The following NCKAP5 variants were observed in gnomAD, a reference collection of about 807,000 sequenced individuals.
NCKAP5 encodes the protein NCK associated protein 5, also known as nck-associated protein 5.
A neutral mutation model predicts 167.0 loss-of-function variants in NCKAP5; 92 were observed. The observed-to-expected ratio is 0.55, with a 90% CI of 0.47 to 0.66. The LOEUF (loss-of-function observed/expected upper bound fraction) is 0.66, where lower values mean the gene tolerates loss of function less well. Among genes scored for constraint, NCKAP5 ranks in the 30% least tolerant of loss-of-function variants. The pLI is 0.00. For synonymous variants in NCKAP5, 891 were observed against 877.4 expected (o/e 1.02, Z -0.27); for missense variants, 2,378 against 2,315.0 (o/e 1.03, Z -0.56).
intron 3 of NCKAP5, among the ~76,000 whole-genome samples, chr2:133,482,533 C>A (rs1680546784): frequency 6.6e-6 from 1 of 152,128 alleles, no homozygotes; most frequent in Admixed American, 6.5e-5. Context: ...TTTCTTTATT[C>A]ATTAATTCAC....
chr2:132,887,290 C>T (rs540326777), intron 8 of NCKAP5, among the ~76,000 whole-genome samples: 29 of 151,500 alleles, frequency 1.9e-4, no homozygotes, highest in Non-Finnish European at 3.5e-4. Flanking sequence ...TATCATCTAT[C>T]TATCCATCCA....
chr2:133,549,808 G>T (rs1687115327), intron 2 of NCKAP5, among the ~76,000 whole-genome samples: 1 of 150,664 alleles, frequency 6.6e-6, no homozygotes, highest in Admixed American at 6.6e-5. Flanking sequence ...GAATCCAGGA[G>T]CTGGTTTTTT....
In NCKAP5 at chr2:133,383,063, T is replaced by A. The variant is rs180751304; in HGVS notation, c.70-79953A>T. On this transcript the variant is annotated intron_variant, in intron 3 of 19. Transcript: ENST00000409261. ...TGATGCATTCTAGGATTGCTTTTTTTAAAAAAAATTTTTTTATTATACTTT... is the reference window on the plus strand; with the variant it reads ...TGATGCATTCTAGGATTGCTTTTTTAAAAAAAAATTTTTTTATTATACTTT... Among the ~76,000 whole-genome samples the A allele has an allele frequency of 1.3e-4, 20 of 152,282 alleles. 1 individual carries two copies. The highest frequency in any genetic ancestry group is 7.2e-4 in the Admixed American group (11 of 15,290).
chr2:133,276,210 C>A (rs1409524759), intron 4 of NCKAP5, among the ~76,000 whole-genome samples: 1 of 152,110 alleles, frequency 6.6e-6, no homozygotes, highest in Non-Finnish European at 1.5e-5. Context: ...CAGTATATAA[C>A]ACACATAACA....
At chr2:132,836,597 C>T (rs559717834) in intron 11 of NCKAP5, among the ~76,000 whole-genome samples, 17 of 152,036 alleles carry the variant, frequency 1.1e-4, no homozygotes, top group East Asian at 3.9e-4. Flanking sequence ...TATTTGGTTA[C>T]GTAAGTTCTT....
At chr2:133,410,057 G>T (rs1407908328) in intron 3 of NCKAP5, among the ~76,000 whole-genome samples, 1 of 152,182 alleles carries the variant, frequency 6.6e-6, no homozygotes, top group East Asian at 1.9e-4. Context: ...AAGGCTCAAG[G>T]TTGCTTTGAT....
Position 133,474,667 on chromosome 2 carries a change from T to C in NCKAP5, c.69+42791A>G, listed in dbSNP as rs75939832. Among the ~76,000 whole-genome samples, 969 of 152,320 alleles carry C rather than the reference T, an allele frequency of 6.4e-3. 5 individuals are homozygous for C. Among genetic ancestry groups the C allele is most frequent in the Non-Finnish European group, 0.011 (776 of 68,026 alleles). ...TTATGTACACCATTAAAATGTACAA[T>C]TTTTGTAGATACAAAAAATAAACAA... On this transcript the variant is annotated intron_variant, in intron 3 of 19. Transcript: ENST00000409261.
chr2:132,972,224 G>A (rs1001389127), intron 7 of NCKAP5, among the ~76,000 whole-genome samples: 1 of 152,102 alleles, frequency 6.6e-6, no homozygotes, highest in African/African-American at 2.4e-5. Context: ...TTCAAGTGAT[G>A]AGAGACCCCT....
At chr2:133,212,963 T>C (rs1254692669) in intron 5 of NCKAP5, among the ~76,000 whole-genome samples, 1 of 152,218 alleles carries the variant, frequency 6.6e-6, no homozygotes, top group African/African-American at 2.4e-5. Flanking sequence ...GTACTACTTA[T>C]CTAATTCTTT....
intron 6 of NCKAP5, among the ~76,000 whole-genome samples, chr2:133,045,331 T>A (rs2079358599): frequency 6.6e-6 from 1 of 152,004 alleles, no homozygotes; most frequent in African/African-American, 2.4e-5. Context: ...CAATACTATG[T>A]ATAGACTTGA....
At position 132,781,249 on chromosome 2, in the gene NCKAP5, C is replaced by G; in HGVS notation, c.4872-20G>C. The G allele has an allele frequency of 6.2e-7, 1 of 1,606,108 alleles. No individual in the cohort carries two copies. Among genetic ancestry groups the G allele is most frequent in the Admixed American group, 1.7e-5 (1 of 58,764 alleles). ...TCAACTCTGCAGGTAGAAAGTGATTCCTCTGATAAGTTACCTTGCTCCTTC... is the reference window on the plus strand; with the variant it reads ...TCAACTCTGCAGGTAGAAAGTGATTGCTCTGATAAGTTACCTTGCTCCTTC... On this transcript the variant is annotated intron_variant, in intron 14 of 19. Coordinates refer to ENST00000409261, the MANE Select transcript of NCKAP5 (RefSeq NM_207363.3).
chr2:133,054,512 C>T (rs1253277478), intron 6 of NCKAP5, among the ~76,000 whole-genome samples: 1 of 152,092 alleles, frequency 6.6e-6, no homozygotes, highest in Non-Finnish European at 1.5e-5. Flanking sequence ...TCCAAGGAAC[C>T]GTGTGAGCAC....
chr2:133,380,284 T>G (rs1163705833), intron 3 of NCKAP5, among the ~76,000 whole-genome samples: 1 of 152,212 alleles, frequency 6.6e-6, no homozygotes, highest in Non-Finnish European at 1.5e-5. Flanking sequence ...ACTTTCTATT[T>G]AATGCATTTC....
intron 8 of NCKAP5, among the ~76,000 whole-genome samples, chr2:132,948,274 G>A (rs940014758): frequency 6.6e-6 from 1 of 152,122 alleles, no homozygotes; most frequent in Non-Finnish European, 1.5e-5. Flanking sequence ...CTGGTTAGGG[G>A]GGGAAGCTTG....
chr2:132,808,683 C>T (rs763069160), intron 11 of NCKAP5, among the ~76,000 whole-genome samples: 1 of 152,014 alleles, frequency 6.6e-6, no homozygotes, highest in Non-Finnish European at 1.5e-5. Context: ...AATGGTCAAT[C>T]AATTTTATTT....
chr2:132,705,338 T>C (rs576510691), intron 19 of NCKAP5, among the ~76,000 whole-genome samples: 1 of 152,174 alleles, frequency 6.6e-6, no homozygotes, highest in Non-Finnish European at 1.5e-5. Flanking sequence ...AAGATTTATA[T>C]ATACTTACCA....
At chr2:133,185,185 C>T (rs2084894259) in intron 5 of NCKAP5, among the ~76,000 whole-genome samples, 1 of 152,104 alleles carries the variant, frequency 6.6e-6, no homozygotes, top group Non-Finnish European at 1.5e-5. Context: ...GTATGGCTAG[C>T]CAGCTATTCC....
At chr2:133,188,850 C>T (rs992013691) in intron 5 of NCKAP5, among the ~76,000 whole-genome samples, 18 of 152,056 alleles carry the variant, frequency 1.2e-4, no homozygotes, top group African/African-American at 4.3e-4. Flanking sequence ...CTAAAATTGA[C>T]ACCCTAACAT....
chr2:132,939,460 C>A (rs4954009), intron 8 of NCKAP5, among the ~76,000 whole-genome samples: 9,479 of 152,208 alleles, frequency 0.062, 764 homozygotes, highest in Admixed American at 0.23. Flanking sequence ...ATTCTAGCCT[C>A]CGGGCTTGAG....
Sources: allele counts gnomAD v4.1 joint callset (sites outside exome capture counted in the v4.1 genomes callset), GRCh38; gene constraint gnomAD v4.1.1; transcripts MANE v1.5; gene names NCBI Gene and HGNC (gene_info 2026-07-23, HGNC 2026-07-21).